Variants in HMCN1 observed in about 807,000 individuals in gnomAD.
HMCN1 encodes the protein hemicentin-1.
A neutral mutation model predicts 625.9 loss-of-function variants in HMCN1; 321 were observed. The observed-to-expected ratio is 0.51, with a 90% CI of 0.47 to 0.56. The LOEUF is 0.56. Ranked by LOEUF, HMCN1 falls within the 20% of genes least tolerant of loss-of-function variation. The pLI is 0.00. For synonymous variants in HMCN1, 2,425 were observed against 2,417.6 expected (o/e 1.00, Z -0.09); for missense variants, 6,588 against 6,887.3 (o/e 0.96, Z 1.54).
At chr1:186,125,392 C>T (rs910510468) in intron 81 of HMCN1, among the ~76,000 whole-genome samples, 3 of 152,128 alleles carry the variant, frequency 2.0e-5, no homozygotes, top group Non-Finnish European at 4.4e-5. Context: ...TAAATATATT[C>T]AGTAAGTTCA....
chr1:186,169,649 C>T (rs1169013904), intron 100 of HMCN1, among the ~76,000 whole-genome samples: 5 of 152,116 alleles, frequency 3.3e-5, no homozygotes, highest in Non-Finnish European at 5.9e-5. Context: ...TAAAACTGGA[C>T]ACCTTCCTTA....
chr1:185,970,860 A>G (rs919592858), intron 15 of HMCN1, among the ~76,000 whole-genome samples: 6 of 151,806 alleles, frequency 4.0e-5, no homozygotes, highest in Admixed American at 2.6e-4. Context: ...GGGTTTCACC[A>G]TGTTGGCCAG....
At position 186,112,967 on chromosome 1, in the gene HMCN1, T is replaced by G. The variant is rs757136926; in HGVS notation, c.11131+14T>G. ...TCACTGTAAATGGTAAGAAAAGGTA[T>G]TCATTGTTCCACAATTTAAAAATCT... On this transcript the variant is annotated intron_variant, in intron 72 of 106. Coordinates refer to ENST00000271588, the MANE Select transcript of HMCN1 (RefSeq NM_031935.3). The G allele has an allele frequency of 6.2e-7, 1 of 1,613,572 alleles. No individual in the cohort carries two copies. The highest frequency in any genetic ancestry group is 8.5e-7 in the Non-Finnish European group (1 of 1,179,812).
chr1:185,841,801 C>A (rs533343586), intron 1 of HMCN1, among the ~76,000 whole-genome samples: 15 of 152,132 alleles, frequency 9.9e-5, no homozygotes, highest in Non-Finnish European at 2.1e-4. Flanking sequence ...ATAATTATGT[C>A]TATCCTACCT....
intron 41 of HMCN1, among the ~76,000 whole-genome samples, chr1:186,047,249 T>G (rs1374375171): frequency 6.6e-6 from 1 of 152,000 alleles, no homozygotes; most frequent in African/African-American, 2.4e-5. Flanking sequence ...ATGAGCTAAT[T>G]GAACTACACA....
chr1:185,807,433 G>A (rs1438258700), intron 1 of HMCN1, among the ~76,000 whole-genome samples: 2 of 152,150 alleles, frequency 1.3e-5, no homozygotes, highest in Non-Finnish European at 2.9e-5. Context: ...ATTCACATGT[G>A]TACTCACAGA....
chr1:186,027,567 G>A (rs1655140936), intron 36 of HMCN1, among the ~76,000 whole-genome samples: 1 of 152,192 alleles, frequency 6.6e-6, no homozygotes, highest in South Asian at 2.1e-4. Context: ...GGGAAGGATA[G>A]AGAGAGTATA....
At chr1:185,761,809 C>T (rs1655524398) in intron 1 of HMCN1, among the ~76,000 whole-genome samples, 1 of 151,660 alleles carries the variant, frequency 6.6e-6, no homozygotes, top group Non-Finnish European at 1.5e-5. Flanking sequence ...AACAATTTAT[C>T]CTTGGTTTCT....
intron 21 of HMCN1, 128 bp from the exon 22 acceptor site, chr1:185,990,147 G>A (rs928608975): frequency 3.0e-5 from 27 of 891,528 alleles, no homozygotes; most frequent in Non-Finnish European, 4.3e-5. Flanking sequence ...GAAAGTTTTA[G>A]CTTATGTCCT....
Position 186,112,901 on chromosome 1 carries a change from T to G in HMCN1, c.11079T>G (p.Val3693=). The change falls in exon 72 of 107, where the codon GTT becomes GTG. Residue 3693 remains valine (V), a synonymous_variant. Transcript: ENST00000271588. ...GTGATACAGCCAATTATACCTGTGT[T>G]GCCAGCAACATTGCAGGAAAGACTA... is the stretch of plus-strand genomic sequence containing the variant. ...DLGDTANYTC[V]ASNIAGKTTR... is the part of the protein sequence containing the mutation. 1 of 1,614,178 alleles carries G rather than the reference T, an allele frequency of 6.2e-7. No individual in the cohort carries two copies. The highest frequency in any genetic ancestry group is 2.2e-5 in the East Asian group (1 of 44,882).
chr1:186,102,162 A>T (rs182941944), intron 68 of HMCN1, among the ~76,000 whole-genome samples: 1 of 152,308 alleles, frequency 6.6e-6, no homozygotes, highest in African/African-American at 2.4e-5. Context: ...ACATGGAGCC[A>T]TTAAAATCTT....
At chr1:186,103,441 TTTA>T (rs1185129531) in intron 68 of HMCN1, 28 bp from the exon 69 acceptor site, 1 of 1,564,012 alleles carries the variant, frequency 6.4e-7, no homozygotes, top group African/African-American at 1.4e-5. Context: ...AAACTGTGGG[TTTA>T]TTATTATTTT....
At chr1:185,796,527 CT>C (rs1292253097) in intron 1 of HMCN1, among the ~76,000 whole-genome samples, 2 of 152,206 alleles carry the variant, frequency 1.3e-5, no homozygotes, top group Non-Finnish European at 2.9e-5. Context: ...ATCTGACTTT[CT>C]GTTTCTGAGT....
At chr1:185,967,642 A>AG (rs1352105029) in intron 14 of HMCN1, among the ~76,000 whole-genome samples, 3 of 151,976 alleles carry the variant, frequency 2.0e-5, no homozygotes, top group African/African-American at 7.2e-5. Context: ...GAGCAAATCT[A>AG]GGGGACAAAC....
intron 5 of HMCN1, among the ~76,000 whole-genome samples, chr1:185,911,209 C>A (rs1012785905): frequency 2.0e-5 from 3 of 152,076 alleles, no homozygotes; most frequent in Non-Finnish European, 4.4e-5. Flanking sequence ...GCTGTGTTTT[C>A]CATCTATTTA....
intron 43 of HMCN1, among the ~76,000 whole-genome samples, chr1:186,053,478 C>T (rs1222843025): frequency 1.3e-5 from 2 of 151,942 alleles, no homozygotes; most frequent in African/African-American, 4.8e-5. Flanking sequence ...CGTAATAAAC[C>T]TGCACTTGTG....
intron 40 of HMCN1, among the ~76,000 whole-genome samples, chr1:186,044,622 TTTTAGTACAAC>T (rs1437376074): frequency 6.6e-6 from 1 of 152,156 alleles, no homozygotes; most frequent in African/African-American, 2.4e-5. Flanking sequence ...TACCAGAACA[TTTTAGTACAAC>T]TTAACCTTTT....
chr1:186,166,658 C>T, intron 99 of HMCN1, 150 bp from the exon 100 acceptor site: 1 of 1,004,094 alleles, frequency 1.0e-6, no homozygotes. Flanking sequence ...ATTTAGCCCA[C>T]CTGATGTGAC....
At position 186,111,927 on chromosome 1, in the gene HMCN1, CG is replaced by C. The variant is rs1432749156; in HGVS notation, c.10990-883del. The stretch of plus-strand genomic sequence containing the variant: ...ATATGTATCTGGGACCAAGCTCATA[CG>C]GTAGAGAAATCTTATTTGGGCTATT... On this transcript the variant is annotated intron_variant, in intron 71 of 106. Transcript: ENST00000271588. Among the ~76,000 whole-genome samples the C allele has an allele frequency of 2.6e-5, 4 of 152,074 alleles. No homozygotes were observed. In the East Asian group the frequency reaches 7.7e-4, roughly 29 times the overall value.
Sources: gnomAD v4.1 joint callset for allele counts (sites outside exome capture counted in the v4.1 genomes callset) on GRCh38, gnomAD v4.1.1 for gene constraint, MANE v1.5 for transcripts, NCBI Gene and HGNC (gene_info 2026-07-23, HGNC 2026-07-21) for gene names.